Variants in CREB3L1 observed in about 807,000 individuals in gnomAD.
The protein encoded by CREB3L1 is cyclic AMP-responsive element-binding protein 3-like protein 1.
Under a neutral mutation model 54.5 loss-of-function variants are expected in CREB3L1, and 33 were observed. The observed-to-expected ratio is 0.61, with a 90% CI of 0.46 to 0.81. CREB3L1 has a LOEUF of 0.81. CREB3L1 is among the 30% of genes least tolerant of loss of function. The pLI, the probability that CREB3L1 is intolerant of heterozygous loss-of-function variation, is 0.00. For synonymous variants in CREB3L1, 284 were observed against 286.4 expected, an observed-to-expected ratio of 0.99 and a Z score of 0.08; for missense variants, 656 against 673.3, an observed-to-expected ratio of 0.97 and a Z score of 0.29.
Position 46,316,384 on chromosome 11 carries a change from T to C in CREB3L1, c.1130T>C (p.Met377Thr), listed in dbSNP as rs1450521153. 1 of 1,541,582 alleles carries C rather than the reference T, an allele frequency of 6.5e-7. No individual in the cohort carries two copies. The highest frequency in any genetic ancestry group is 1.9e-5 in the Admixed American group (1 of 52,298). ...GCCACCCAGACTGGGACCTGCCTCA[T>C]GGTAGGTGTGGCTCCCTCCACCACA... ...MAATQTGTCL[M>T]VAALCFVLVL... is the part of the protein sequence containing the mutation. The change falls in exon 9 of 12, where the codon ATG (methionine) becomes ACG (threonine). Residue 377 changes from methionine to threonine, a missense_variant and splice_region_variant. By Grantham distance (81) the Met-to-Thr change is moderately conservative. This residue lies in a region of CREB3L1 where 240 missense variants were observed against 219.8 expected (regional missense o/e 1.09). Transcript: ENST00000621158.
intron 2 of CREB3L1, among the ~76,000 whole-genome samples, chr11:46,303,630 T>A (rs1203588363): frequency 6.6e-6 from 1 of 151,906 alleles, no homozygotes; most frequent in Non-Finnish European, 1.5e-5. Flanking sequence ...GATGACAGAG[T>A]GAGACTCTGT....
intron 1 of CREB3L1, among the ~76,000 whole-genome samples, chr11:46,281,135 T>C (rs1189384666): frequency 6.6e-6 from 1 of 152,214 alleles, no homozygotes; most frequent in East Asian, 1.9e-4. Context: ...ATTCTGTTTA[T>C]GCGATTCTCA....
chr11:46,285,641 T>C (rs552822091), intron 1 of CREB3L1, among the ~76,000 whole-genome samples: 3 of 152,042 alleles, frequency 2.0e-5, no homozygotes, highest in South Asian at 4.2e-4. Flanking sequence ...TGCCGCCGGG[T>C]TCAGTGTGCC....
chr11:46,311,387 G>T (rs1388958004), intron 5 of CREB3L1, among the ~76,000 whole-genome samples, 198 bp downstream of exon 5: 1 of 152,204 alleles, frequency 6.6e-6, no homozygotes, highest in African/African-American at 2.4e-5. Flanking sequence ...AGGCTGGAGT[G>T]CAGTGGCTCA....
chr11:46,316,386 G>A lies in CREB3L1; in HGVS notation c.1131+1G>A. The A allele has an allele frequency of 1.3e-6, 2 of 1,550,624 alleles. No homozygotes were observed. The highest frequency in any genetic ancestry group is 1.7e-6 in the Non-Finnish European group (2 of 1,142,924). On this transcript the variant is annotated splice_donor_variant, in intron 9 of 11. Transcript: ENST00000621158. LOFTEE classifies it high-confidence loss of function. ...CACCCAGACTGGGACCTGCCTCATGGTAGGTGTGGCTCCCTCCACCACAGA... is the reference window on the plus strand; with the variant it reads ...CACCCAGACTGGGACCTGCCTCATGATAGGTGTGGCTCCCTCCACCACAGA...
intron 2 of CREB3L1, 34 bp from the exon 3 acceptor site, chr11:46,307,782 C>T (rs1444979590): frequency 2.6e-5 from 39 of 1,503,970 alleles, no homozygotes; most frequent in Non-Finnish European, 3.2e-5. Context: ...AGACCTCTGC[C>T]CTAGAGTCCC....
chr11:46,282,866 A>G (rs1010398326), intron 1 of CREB3L1, among the ~76,000 whole-genome samples: 2 of 152,234 alleles, frequency 1.3e-5, no homozygotes, highest in Admixed American at 1.3e-4. Context: ...AAATTCTACA[A>G]TAATGCAATA....
At position 46,310,034 on chromosome 11, in the gene CREB3L1, C is replaced by G; in HGVS notation, c.562C>G (p.Leu188Val). 1 of 1,602,758 alleles carries G rather than the reference C, an allele frequency of 6.2e-7. No homozygotes were observed. The highest frequency in any genetic ancestry group is 1.7e-5 in the Admixed American group (1 of 58,628). The stretch of plus-strand genomic sequence containing the variant: ...GCTGCCAGTGATCAAAGCAGAGCCT[C>G]TGGAGGTGAACCAGTTCCTCAAAGT... ...TQLPVIKAEPLEVNQFLKVTP... is the reference protein window; with the variant it reads ...TQLPVIKAEPVEVNQFLKVTP... The change falls in exon 4 of 12, where the codon CTG becomes GTG. Residue 188 changes from leucine (L) to valine (V), a missense_variant. This residue lies in a region of CREB3L1 where 339 missense variants were observed against 331.5 expected (regional missense o/e 1.02). Coordinates refer to ENST00000621158, the MANE Select transcript of CREB3L1 (RefSeq NM_052854.4).
At chr11:46,296,416 C>G (rs1208010672) in intron 1 of CREB3L1, among the ~76,000 whole-genome samples, 1 of 152,074 alleles carries the variant, frequency 6.6e-6, no homozygotes, top group Non-Finnish European at 1.5e-5. Context: ...CACTGTGCGT[C>G]CTGGGTAGCT....
At position 46,300,069 on chromosome 11, in the gene CREB3L1, G is replaced by A. The variant is rs760822871; in HGVS notation, c.237G>A (p.Thr79=). 1.7e-5 allele frequency: 27 copies of A among 1,613,782 alleles called. No individual in the cohort carries two copies. Among genetic ancestry groups the A allele is most frequent in the South Asian group, 3.3e-5 (3 of 91,072 alleles). ...TGGACATGGAACTGGACTCCCCTAC[G>A]CCAGGCATCCAGGCGGAGCACAGCT... ...PLLDMELDSP[T]PGIQAEHSYS... The change falls in exon 2 of 12, where the codon ACG becomes ACA. Residue 79 remains threonine, a synonymous_variant. Transcript: ENST00000621158.
rs1291532903 is a variant in CREB3L1 at position 46,295,024 on chromosome 11, C to G, written c.103-4911C>G. ...GCCTGGACCCGCTCTGGTCTCCTCC[C>G]TCCTTTCCCCAAGCACAGACTGAAC... is the stretch of plus-strand genomic sequence containing the variant. On this transcript the variant is annotated intron_variant, in intron 1 of 11. Coordinates refer to ENST00000621158, the MANE Select transcript of CREB3L1 (RefSeq NM_052854.4). This position sits in a 1 kb window ranked among gnomAD's most constrained non-coding sequence, Gnocchi z 4.6. The G allele has an allele frequency of 6.6e-6, 1 of 152,446 alleles. No individual in the cohort carries two copies. Among genetic ancestry groups the G allele is most frequent in the Non-Finnish European group, 1.5e-5 (1 of 68,270 alleles). 9.4% of individuals were successfully genotyped at this position (152,446 alleles called of 1,614,324 possible).
At position 46,311,510 on chromosome 11, in the gene CREB3L1, G is replaced by T. The variant is rs1246538462; in HGVS notation, c.753+321G>T. Among the ~76,000 whole-genome samples, 40 of 142,012 alleles carry T rather than the reference G, an allele frequency of 2.8e-4. 1 individual carries two copies. The South Asian group carries it at 5.4e-3, about 19-fold the overall frequency. 93.2% of individuals were successfully genotyped at this position (142,012 alleles called of 152,430 possible). On this transcript the variant is annotated intron_variant, in intron 5 of 11. Coordinates refer to ENST00000621158, the MANE Select transcript of CREB3L1 (RefSeq NM_052854.4). ...CACCGTGTCTGGCTTTTTTTTGTTTGTTTTTTTTTTTTGAGATGGAGTCTC... is the reference window on the plus strand; with the variant it reads ...CACCGTGTCTGGCTTTTTTTTGTTTTTTTTTTTTTTTTGAGATGGAGTCTC...
intron 1 of CREB3L1, among the ~76,000 whole-genome samples, chr11:46,289,937 G>A (rs536287885): frequency 3.5e-4 from 54 of 152,276 alleles, no homozygotes; most frequent in African/African-American, 1.2e-3. Flanking sequence ...TCCATCAGGC[G>A]GATCTCAGCT....
At chr11:46,302,503 C>T (rs1939318437) in intron 2 of CREB3L1, among the ~76,000 whole-genome samples, 1 of 152,192 alleles carries the variant, frequency 6.6e-6, no homozygotes, top group Non-Finnish European at 1.5e-5. Context: ...GCTACGTGAT[C>T]ACAGACATGT....
chr11:46,320,725 C>T lies in CREB3L1; in HGVS notation c.1539C>T (p.Asn513=), dbSNP rs1430354054. The part of the protein sequence containing the change: ...EWFHDRDLGP[N]TTIKLS ...CTCTCTCCAGGGATCTGGGCCCCAA[C>T]ACCACCATCAAACTCTCCTAGGCCA... Residue 513 remains asparagine, a synonymous_variant, in exon 12 of 12, where the codon AAC becomes AAT. Transcript: ENST00000621158. 2 of 1,612,384 alleles carry T rather than the reference C, an allele frequency of 1.2e-6. No homozygotes were observed. The highest frequency in any genetic ancestry group is 2.2e-5 in the East Asian group (1 of 44,854).
chr11:46,297,107 T>G (rs1939221662), intron 1 of CREB3L1, among the ~76,000 whole-genome samples: 1 of 152,158 alleles, frequency 6.6e-6, no homozygotes, highest in African/African-American at 2.4e-5. Context: ...CCCCTCCCAC[T>G]GGGCCCAACA....
intron 9 of CREB3L1, among the ~76,000 whole-genome samples, chr11:46,316,659 G>C (rs1939571787): frequency 6.6e-6 from 1 of 152,224 alleles, no homozygotes; most frequent in Admixed American, 6.5e-5. Context: ...AGCTGGGCAG[G>C]TTCCTTGAGG....
intron 10 of CREB3L1, among the ~76,000 whole-genome samples, chr11:46,317,944 G>A (rs976512485): frequency 2.0e-5 from 3 of 152,240 alleles, no homozygotes; most frequent in African/African-American, 4.8e-5. Flanking sequence ...TGGGCCGGGC[G>A]CGGTGGCTCA....
At chr11:46,305,664 G>GTA (rs1343119966) in intron 2 of CREB3L1, among the ~76,000 whole-genome samples, 4 of 130,418 alleles carry the variant, frequency 3.1e-5, no homozygotes, top group Admixed American at 1.5e-4. Flanking sequence ...ATATATGTGT[G>GTA]TATATATATG....
Sources: allele counts gnomAD v4.1 joint callset (sites outside exome capture counted in the v4.1 genomes callset), GRCh38; gene constraint gnomAD v4.1.1; regional missense constraint gnomAD v4.1.1; non-coding constraint Gnocchi (gnomAD v3.1); transcripts MANE v1.5; gene names NCBI Gene and HGNC (gene_info 2026-07-23, HGNC 2026-07-21).